Variants in ARHGEF7 observed in about 807,000 individuals in gnomAD.
ARHGEF7 encodes PAK-interacting exchange factor beta.
A neutral mutation model predicts 109.8 loss-of-function variants in ARHGEF7; 33 were observed. The ratio of observed to expected loss-of-function variants is 0.30; its 90% CI spans 0.23 to 0.40. The LOEUF (loss-of-function observed/expected upper bound fraction) is 0.40. ARHGEF7 is among the 10% of genes least tolerant of loss of function. The pLI, the probability that ARHGEF7 is intolerant of heterozygous loss-of-function variation, is 1.00. For missense variants in ARHGEF7, 938 were observed against 1,098.5 expected (o/e 0.85, Z 2.07); for synonymous variants, 458 against 424.6 (o/e 1.08, Z -0.97).
rs531174551 is a variant in ARHGEF7 at position 111,172,417 on chromosome 13, C to T, written c.252+18426C>T. 3.3e-5 allele frequency among the ~76,000 whole-genome samples: 5 copies of T among 152,214 alleles called. No homozygotes were observed. The South Asian group carries it at 1.0e-3, about 32-fold the overall frequency. On this transcript the variant is annotated intron_variant, in intron 2 of 21. Coordinates refer to ENST00000646102, the MANE Select transcript of ARHGEF7 (RefSeq NM_001354046.2). ...TGGAAGTATATATTCTCTTAATATC[C>T]CTGAAGTCATGGCATTCTCCAGTTC...
chr13:111,124,750 CT>C (rs1437973251), intron 1 of ARHGEF7, among the ~76,000 whole-genome samples: 2 of 151,848 alleles, frequency 1.3e-5, no homozygotes, highest in African/African-American at 2.4e-5. Flanking sequence ...TAGGTGTCTT[CT>C]AGTTTTTTTT....
Position 111,280,252 on chromosome 13 carries a change from T to TGG in ARHGEF7, c.1507-12_1507-11dup, listed in dbSNP as rs753597326. ...AAAGCACTAATTGTTTTTTTTTTTG[T>TGG]GGGGGGGGGTCTTTTTTAGGGAAAG... On this transcript the variant is annotated intron_variant, in intron 13 of 21. Coordinates refer to ENST00000646102, the MANE Select transcript of ARHGEF7 (RefSeq NM_001354046.2). The TGG allele has an allele frequency of 1.4e-6, 2 of 1,434,830 alleles. No individual in the cohort carries two copies. Among genetic ancestry groups the TGG allele is most frequent in the Non-Finnish European group, 1.9e-6 (2 of 1,046,432 alleles). The allele number at this position is 1,434,830 out of a possible 1,614,324, so 88.9% of individuals were successfully genotyped here.
intron 6 of ARHGEF7, chr13:111,241,435 G>A (rs2087767000): frequency 3.8e-6 from 5 of 1,325,546 alleles, no homozygotes; most frequent in Non-Finnish European, 5.2e-6. Flanking sequence ...GCCAGGCCTG[G>A]CTGTGTGTTT....
intron 6 of ARHGEF7, among the ~76,000 whole-genome samples, chr13:111,236,155 CCT>C (rs2086789966): frequency 6.6e-6 from 1 of 152,150 alleles, no homozygotes; most frequent in Non-Finnish European, 1.5e-5. Context: ...ATTTCTCTCT[CCT>C]CTCCTTCTGG....
chr13:111,148,433 C>A (rs190413305), intron 1 of ARHGEF7, among the ~76,000 whole-genome samples: 50 of 152,336 alleles, frequency 3.3e-4, no homozygotes, highest in Non-Finnish European at 5.9e-4. Flanking sequence ...TAGCTTGCTA[C>A]AGGTACCCAT....
intron 5 of ARHGEF7, among the ~76,000 whole-genome samples, chr13:111,220,692 G>T (rs927736711): frequency 1.3e-5 from 2 of 152,186 alleles, no homozygotes; most frequent in Non-Finnish European, 2.9e-5. Context: ...GCTGGCAGCA[G>T]CAGAGGACGC....
At chr13:111,162,170 A>G (rs1400849595) in intron 2 of ARHGEF7, among the ~76,000 whole-genome samples, 2 of 152,186 alleles carry the variant, frequency 1.3e-5, no homozygotes, top group Non-Finnish European at 2.9e-5. Context: ...TGTCCTGTGG[A>G]CAGCTGTCTT....
At chr13:111,129,985 C>T (rs933845667) in intron 1 of ARHGEF7, among the ~76,000 whole-genome samples, 4 of 152,112 alleles carry the variant, frequency 2.6e-5, no homozygotes, top group Admixed American at 2.6e-4. Flanking sequence ...AGATGTTTTA[C>T]AGTTGGTGAA....
rs113165899 is a variant in ARHGEF7 at position 111,273,163 on chromosome 13, C to G, written c.1074-651C>G. Among the ~76,000 whole-genome samples the G allele has an allele frequency of 2.6e-5, 4 of 152,292 alleles. No individual in the cohort carries two copies. The highest frequency in any genetic ancestry group is 9.6e-5 in the African/African-American group (4 of 41,556). Reference sequence around the variant, plus strand: ...TAACAATGCTTTTGAAGTTCTAAAGCGTAAATCAACATTCGCTGTCTGCAC... The same window carrying G: ...TAACAATGCTTTTGAAGTTCTAAAGGGTAAATCAACATTCGCTGTCTGCAC... On this transcript the variant is annotated intron_variant, in intron 9 of 21. Transcript: ENST00000646102. The surrounding 1 kb of genome is among the most constrained non-coding windows in gnomAD (Gnocchi z 4.5).
chr13:111,155,016 A>C (rs2076201095), intron 2 of ARHGEF7, among the ~76,000 whole-genome samples: 2 of 152,202 alleles, frequency 1.3e-5, no homozygotes, highest in African/African-American at 2.4e-5. Context: ...TTAAAAAAAA[A>C]CAATAAAAAA....
chr13:111,146,230 A>G (rs2075586566), intron 1 of ARHGEF7, among the ~76,000 whole-genome samples: 1 of 152,132 alleles, frequency 6.6e-6, no homozygotes, highest in African/African-American at 2.4e-5. Context: ...AAAACAGAAC[A>G]CTTCTAGAGT....
At chr13:111,244,377 T>G in intron 8 of ARHGEF7, 83 bp downstream of exon 8, 2 of 829,838 alleles carry the variant, frequency 2.4e-6, no homozygotes, top group Non-Finnish European at 3.8e-6. Flanking sequence ...ATTTTAGAAT[T>G]CACATTTCTA....
chr13:111,260,109 A>G (rs989314197), intron 8 of ARHGEF7, among the ~76,000 whole-genome samples: 2 of 152,234 alleles, frequency 1.3e-5, no homozygotes, highest in Non-Finnish European at 2.9e-5. Context: ...TGCCTACAAG[A>G]TGTAGAAAAT....
At position 111,233,211 on chromosome 13, in the gene ARHGEF7, C is replaced by A; in HGVS notation, c.677C>A (p.Pro226His). Residue 226 changes from proline to histidine, a missense_variant, in exon 6 of 22, where the codon CCT becomes CAT. Around this residue, in one of 4 missense-constraint regions of ARHGEF7, gnomAD observed 585 missense variants for 723.6 expected, o/e 0.81. Transcript: ENST00000646102. ...TGTTACATTTTCATTTCAGAGAAGC[C>A]TGTGTCTCCCAAATCAGGAACACTG... is the stretch of plus-strand genomic sequence containing the variant. ...YVREVKASEKPVSPKSGTLKS... is the reference protein window; with the variant it reads ...YVREVKASEKHVSPKSGTLKS... 6.2e-7 allele frequency: 1 copy of A among 1,613,546 alleles called. No homozygotes were observed. The highest frequency in any genetic ancestry group is 1.1e-5 in the South Asian group (1 of 91,062).
intron 13 of ARHGEF7, among the ~76,000 whole-genome samples, chr13:111,279,508 C>T (rs762907242): frequency 6.6e-6 from 1 of 152,262 alleles, no homozygotes; most frequent in Non-Finnish European, 1.5e-5. Flanking sequence ...AATCCTGCTC[C>T]GCAGCTGATG....
intron 4 of ARHGEF7, among the ~76,000 whole-genome samples, chr13:111,210,499 G>A (rs1458375918): frequency 6.6e-6 from 1 of 152,192 alleles, no homozygotes; most frequent in Non-Finnish European, 1.5e-5. Context: ...TGACTGATTG[G>A]GACGCAGAGA....
At chr13:111,288,305 C>CT in intron 17 of ARHGEF7, 49 bp from the exon 18 acceptor site, 1 of 1,359,358 alleles carries the variant, frequency 7.4e-7, no homozygotes, top group African/African-American at 1.4e-5. Context: ...CGCCAGTTGC[C>CT]CTAGAGGCCT....
At chr13:111,225,940 A>T (rs1171743557) in intron 5 of ARHGEF7, among the ~76,000 whole-genome samples, 1 of 152,242 alleles carries the variant, frequency 6.6e-6, no homozygotes, top group African/African-American at 2.4e-5. Flanking sequence ...GAAACGATTA[A>T]CCTTAGTGAG....
intron 8 of ARHGEF7, among the ~76,000 whole-genome samples, chr13:111,261,808 A>G (rs1394745238): frequency 3.3e-5 from 5 of 152,226 alleles, no homozygotes; most frequent in Non-Finnish European, 1.5e-5. Flanking sequence ...GAAATCAATA[A>G]TGAGGAATTT....
Sources: allele counts gnomAD v4.1 joint callset (sites outside exome capture counted in the v4.1 genomes callset), GRCh38; gene constraint gnomAD v4.1.1; regional missense constraint gnomAD v4.1.1; non-coding constraint Gnocchi (gnomAD v3.1); transcripts MANE v1.5; gene names NCBI Gene and HGNC (gene_info 2026-07-23, HGNC 2026-07-21).